ZNF614: variants seen among roughly 807,000 people sequenced by gnomAD.
ZNF614 encodes zinc finger protein 614.
ZNF614 carries 11 observed loss-of-function variants against 12.8 expected under a neutral mutation model. That is an observed-to-expected ratio of 0.86 (90% CI 0.54 to 1.43). The LOEUF is 1.43. Ranked by LOEUF, ZNF614 falls within the 40% of genes most tolerant of loss-of-function variation. The probability of loss-of-function intolerance (pLI) is 0.00; values close to 1 mark genes in which losing one functional copy is unlikely to be tolerated. For missense variants in ZNF614, 664 were observed against 708.8 expected (o/e 0.94, Z 0.72); for synonymous variants, 237 against 237.5 (o/e 1.00, Z 0.02).
Position 52,014,105 on chromosome 19 carries a change from G to A in ZNF614, c.*1735C>T, listed in dbSNP as rs1020123027. On this transcript the variant is annotated 3_prime_UTR_variant, in exon 5 of 5. Transcript: ENST00000270649. ...CATATTCAGTTTCTTTTCTACTTAA[G>A]TTTGCTTAATGTACAATTAAGCTCA... The A allele has an allele frequency of 5.3e-5, 8 of 152,238 alleles. No homozygotes were observed. Among genetic ancestry groups the A allele is most frequent in the South Asian group, 2.1e-4 (1 of 4,824 alleles). The allele number at this position is 152,238 out of a possible 1,614,324, so 9.4% of individuals were successfully genotyped here.
At chr19:52,020,779 T>C (rs1397318556) in intron 2 of ZNF614, among the ~76,000 whole-genome samples, 1 of 151,936 alleles carries the variant, frequency 6.6e-6, no homozygotes, top group African/African-American at 2.4e-5. Flanking sequence ...ACTATACATA[T>C]AGATATAAAC....
rs2086882517 is a variant in ZNF614, at chr19:52,014,137, A to G, written c.*1703T>C. 6.6e-6 allele frequency: 1 copy of G among 152,226 alleles called. No homozygotes were observed. Among genetic ancestry groups the G allele is most frequent in the Admixed American group, 6.5e-5 (1 of 15,284 alleles). 9.4% of individuals were successfully genotyped at this position (152,226 alleles called of 1,614,324 possible). On this transcript the variant is annotated 3_prime_UTR_variant, in exon 5 of 5. Coordinates refer to ENST00000270649, the MANE Select transcript of ZNF614 (RefSeq NM_025040.4). ...TAATGTACAATTAAGCTCAGAGCCAAAGAAAGGAAAAGAGCTAATCATAAT... is the reference window on the plus strand; with the variant it reads ...TAATGTACAATTAAGCTCAGAGCCAGAGAAAGGAAAAGAGCTAATCATAAT...
rs1191999839 is a variant in ZNF614 at position 52,014,616 on chromosome 19, TA to T, written c.*1223del. The T allele has an allele frequency of 6.6e-6, 1 of 152,188 alleles. No homozygotes were observed. The highest frequency in any genetic ancestry group is 6.5e-5 in the Admixed American group (1 of 15,284). The allele number at this position is 152,188 out of a possible 1,614,324, so 9.4% of individuals were successfully genotyped here. ...GAGTAAAGCCTAAAAAGGGTTCTCC[TA>T]ATCTCAGGAGCCTCTACCCCTATGA... On this transcript the variant is annotated 3_prime_UTR_variant, in exon 5 of 5. Coordinates refer to ENST00000270649, the MANE Select transcript of ZNF614 (RefSeq NM_025040.4).
In ZNF614 at chr19:52,018,446, A is replaced by G. The variant is rs2086914496; in HGVS notation, c.64T>C (p.Trp22Arg). ...TTCTGAGCAGTGTCCAGGAGCTGCC[A>G]CTCCTCCCAGCTGAATTCCACAGCC... ...DVAVEFSWEE[W>R]QLLDTAQKNL... Residue 22 changes from tryptophan (W) to arginine (R), a missense_variant, in exon 3 of 5, where the codon TGG becomes CGG. Trp to Arg is a moderately radical substitution (Grantham distance 101). Coordinates refer to ENST00000270649, the MANE Select transcript of ZNF614 (RefSeq NM_025040.4). 1.2e-6 allele frequency: 2 copies of G among 1,613,900 alleles called. No homozygotes were observed. Among genetic ancestry groups the G allele is most frequent in the Non-Finnish European group, 1.7e-6 (2 of 1,179,952 alleles).
At position 52,018,374 on chromosome 19, in the gene ZNF614, A is replaced by C; in HGVS notation, c.136T>G (p.Ser46Ala). 1 of 1,614,078 alleles carries C rather than the reference A, an allele frequency of 6.2e-7. No individual in the cohort carries two copies. The highest frequency in any genetic ancestry group is 8.5e-7 in the Non-Finnish European group (1 of 1,180,018). Residue 46 changes from serine to alanine, a missense_variant, in exon 3 of 5, where the codon TCA (serine) becomes GCA (alanine). Coordinates refer to ENST00000270649, the MANE Select transcript of ZNF614 (RefSeq NM_025040.4). Reference sequence around the variant, plus strand: ...ACAGGGAAACTATTCTTACCCAGTGATACTAGGTGGTTATAGTTCTCCACC... The same window carrying C: ...ACAGGGAAACTATTCTTACCCAGTGCTACTAGGTGGTTATAGTTCTCCACC... Reference protein sequence around the residue: ...VMVENYNHLVSLGYQTSKPDV... With the variant: ...VMVENYNHLVALGYQTSKPDV...
chr19:52,019,420 A>C, intron 2 of ZNF614, among the ~76,000 whole-genome samples: 1 of 152,200 alleles, frequency 6.6e-6, no homozygotes, highest in East Asian at 1.9e-4. Context: ...AAATATCCAA[A>C]ACCTAAAATA....
chr19:52,019,627 A>G (rs1014731308), intron 2 of ZNF614, among the ~76,000 whole-genome samples: 5 of 152,232 alleles, frequency 3.3e-5, no homozygotes, highest in African/African-American at 1.2e-4. Context: ...ACATTTCAAT[A>G]ATAGAATCCA....
chr19:52,015,932 T>C lies in ZNF614; in HGVS notation c.1666A>G (p.Lys556Glu). The stretch of plus-strand genomic sequence containing the variant: ...TCTCTTGTGTGCATTTTCTTATGTT[T>C]GACAAGGTTTGATAAGTGGGAGAAG... Reference protein sequence around the residue: ...KAFSHLSNLVKHKKMHTREMG... With the variant: ...KAFSHLSNLVEHKKMHTREMG... Residue 556 changes from lysine (K) to glutamate (E), a missense_variant, in exon 5 of 5, where the codon AAA (lysine) becomes GAA (glutamate). Lys to Glu is a moderately conservative substitution (Grantham distance 56). Transcript: ENST00000270649. The C allele has an allele frequency of 6.2e-7, 1 of 1,614,218 alleles. No homozygotes were observed. Among genetic ancestry groups the C allele is most frequent in the Non-Finnish European group, 8.5e-7 (1 of 1,180,032 alleles).
chr19:52,016,367 T>G lies in ZNF614; in HGVS notation c.1231A>C (p.Lys411Gln). 1 of 1,613,280 alleles carries G rather than the reference T, an allele frequency of 6.2e-7. No individual in the cohort carries two copies. Among genetic ancestry groups the G allele is most frequent in the Non-Finnish European group, 8.5e-7 (1 of 1,179,352 alleles). ...CSECGKGFTV[K>Q]RTLVIHQRTH... is the part of the protein sequence containing the mutation. ...CGCTGATGTATAACGAGAGTGCGTT[T>G]GACAGTGAAGCCTTTTCCACATTCG... Residue 411 changes from lysine (K) to glutamine (Q), a missense_variant, in exon 5 of 5, where the codon AAA (lysine) becomes CAA (glutamine). Lys to Gln is a moderately conservative substitution (Grantham distance 53). Transcript: ENST00000270649.
chr19:52,027,138 C>T (rs926382782), intron 1 of ZNF614, among the ~76,000 whole-genome samples: 3 of 152,214 alleles, frequency 2.0e-5, no homozygotes, highest in African/African-American at 7.2e-5. Flanking sequence ...ACAAGAAACA[C>T]CCACAGGTTG....
chr19:52,025,594 C>T, intron 2 of ZNF614, 137 bp downstream of exon 2: 1 of 970,458 alleles, frequency 1.0e-6, no homozygotes, highest in Non-Finnish European at 1.6e-6. Flanking sequence ...GCAGAATGAA[C>T]CCCCACCTCT....
At position 52,018,435 on chromosome 19, in the gene ZNF614, C is replaced by T. The variant is rs775752898; in HGVS notation, c.75G>A (p.Leu25=). ...GGTACAGGTTCTTCTGAGCAGTGTC[C>T]AGGAGCTGCCACTCCTCCCAGCTGA... ...VEFSWEEWQL[L]DTAQKNLYRD... is the part of the protein sequence containing the mutation. Residue 25 remains leucine, a synonymous_variant, in exon 3 of 5, where the codon CTG becomes CTA. Coordinates refer to ENST00000270649, the MANE Select transcript of ZNF614 (RefSeq NM_025040.4). 2.5e-6 allele frequency: 4 copies of T among 1,614,110 alleles called. No homozygotes were observed. The African/African-American group carries it at 4.0e-5, about 16-fold the overall frequency.
chr19:52,017,808 G>T, intron 4 of ZNF614, 200 bp downstream of exon 4: 1 of 498,768 alleles, frequency 2.0e-6, no homozygotes, highest in South Asian at 3.6e-5. Flanking sequence ...GATATAAGCT[G>T]AAATATATCC....
intron 1 of ZNF614, among the ~76,000 whole-genome samples, chr19:52,026,226 G>A (rs2086971251): frequency 6.6e-6 from 1 of 152,248 alleles, no homozygotes; most frequent in Non-Finnish European, 1.5e-5. Flanking sequence ...AAAAGAAAGA[G>A]AGATCAGACT....
At chr19:52,020,378 G>T (rs536236535) in intron 2 of ZNF614, among the ~76,000 whole-genome samples, 1 of 152,272 alleles carries the variant, frequency 6.6e-6, no homozygotes, top group African/African-American at 2.4e-5. Flanking sequence ...ACACAAATCA[G>T]AATCAGCTAA....
chr19:52,019,538 G>A (rs923671678), intron 2 of ZNF614, among the ~76,000 whole-genome samples: 2 of 152,114 alleles, frequency 1.3e-5, no homozygotes, highest in Admixed American at 1.3e-4. Context: ...TACATCAAAT[G>A]CAAAGGGAAA....
Position 52,017,288 on chromosome 19 carries a change from A to T in ZNF614, c.310T>A (p.Cys104Ser). 1 of 1,613,818 alleles carries T rather than the reference A, an allele frequency of 6.2e-7. No homozygotes were observed. The highest frequency in any genetic ancestry group is 8.5e-7 in the Non-Finnish European group (1 of 1,180,024). Residue 104 changes from cysteine to serine, a missense_variant, in exon 5 of 5, where the codon TGC becomes AGC. Physicochemically the swap from Cys to Ser is moderately radical, Grantham distance 112. Coordinates refer to ENST00000270649, the MANE Select transcript of ZNF614 (RefSeq NM_025040.4). ...NQRLLKSVQQ[C>S]NGQNTLRNIV... is the part of the protein sequence containing the mutation. Reference sequence around the variant, plus strand: ...TTTCTAAGTGTATTCTGTCCATTGCATTGCTGCACGCTCTTCAGAAGTCTT... The same window carrying T: ...TTTCTAAGTGTATTCTGTCCATTGCTTTGCTGCACGCTCTTCAGAAGTCTT...
chr19:52,017,761 T>C (rs915212377), intron 4 of ZNF614: 74 of 400,774 alleles, frequency 1.8e-4, no homozygotes, highest in Middle Eastern at 6.7e-4. Flanking sequence ...CTCTTTATTG[T>C]CAACTCTACG....
intron 2 of ZNF614, among the ~76,000 whole-genome samples, chr19:52,022,886 C>T (rs1276707033): frequency 6.6e-6 from 1 of 151,748 alleles, no homozygotes; most frequent in African/African-American, 2.4e-5. Context: ...CTCCCAGCAC[C>T]CTGGTATGTT....
Sources: gnomAD v4.1 joint callset for allele counts (sites outside exome capture counted in the v4.1 genomes callset) on GRCh38, gnomAD v4.1.1 for gene constraint, MANE v1.5 for transcripts, NCBI Gene and HGNC (gene_info 2026-07-23, HGNC 2026-07-21) for gene names.